The following CCDC59 variants were observed in gnomAD, a reference collection of about 807,000 sequenced individuals.
CCDC59 encodes thyroid transcription factor 1-associated protein 26.
In CCDC59, 27 loss-of-function variants were observed where a neutral mutation model predicts 30.5. The observed-to-expected ratio is 0.89, with a 90% CI of 0.65 to 1.22. The LOEUF is 1.22. CCDC59 is among the 50% of genes most tolerant of loss of function. CCDC59 has a pLI of 0.00. For missense variants in CCDC59, 362 were observed against 284.4 expected, an observed-to-expected ratio of 1.27 and a Z score of -1.96; for synonymous variants, 125 against 100.9, an observed-to-expected ratio of 1.24 and a Z score of -1.43.
chr12:82,356,970 T>C lies in CCDC59; in HGVS notation c.454A>G (p.Lys152Glu), dbSNP rs766749577. ...DQPQPEEQCI[K>E]TVNSFTIPKK... ...GAAGAAAATACATACTTTACTGTTT[T>C]AATACATTGTTCTTCTGGCTGAGGC... The change falls in exon 2 of 4, where the codon AAA becomes GAA. Residue 152 changes from lysine to glutamate, a missense_variant. Transcript: ENST00000256151. 14 of 1,610,280 alleles carry C rather than the reference T, an allele frequency of 8.7e-6. No individual in the cohort carries two copies. The South Asian group carries it at 1.5e-4, about 18-fold the overall frequency.
Position 82,354,594 on chromosome 12 carries a change from G to A in CCDC59, c.465C>T (p.Asn155=), listed in dbSNP as rs913699582. The A allele has an allele frequency of 1.3e-6, 2 of 1,568,374 alleles. No individual in the cohort carries two copies. The highest frequency in any genetic ancestry group is 1.8e-5 in the Admixed American group (1 of 54,534). Reference sequence around the variant, plus strand: ...TATTTTTCTTTGGAATTGTAAAGGAGCTTTTAATTGGGGGATGAGGAAACA... The same window carrying A: ...TATTTTTCTTTGGAATTGTAAAGGAACTTTTAATTGGGGGATGAGGAAACA... ...QPEEQCIKTV[N]SFTIPKKNKK... The change falls in exon 3 of 4, where the codon AAC becomes AAT. Residue 155 remains asparagine, a splice_region_variant and synonymous_variant. Coordinates refer to ENST00000256151, the MANE Select transcript of CCDC59 (RefSeq NM_014167.5).
intron 1 of CCDC59, among the ~76,000 whole-genome samples, chr12:82,357,849 G>C (rs1804212858): frequency 6.6e-6 from 1 of 152,170 alleles, no homozygotes; most frequent in African/African-American, 2.4e-5. Context: ...AGGGCCTCGG[G>C]TATTTGTAAT....
At chr12:82,358,199 G>C in intron 1 of CCDC59, 24 bp downstream of exon 1, 1 of 1,613,830 alleles carries the variant, frequency 6.2e-7, no homozygotes, top group Non-Finnish European at 8.5e-7. Context: ...CTGAGGATTT[G>C]CAAATGGTTG....
chr12:82,354,621 G>A (rs1880947980), intron 2 of CCDC59, 27 bp from the exon 3 acceptor site: 4 of 1,538,430 alleles, frequency 2.6e-6, no homozygotes, highest in Non-Finnish European at 3.5e-6. Context: ...GAGGAAACAG[G>A]ACTTTATTAG....
At chr12:82,358,634 G>C, upstream of CCDC59, 1 of 1,614,096 alleles carries the variant, frequency 6.2e-7, no homozygotes, top group Non-Finnish European at 8.5e-7. Flanking sequence ...TGCAGGGACT[G>C]CTGCAGTTCC....
At chr12:82,356,409 C>T (rs1294522185) in intron 2 of CCDC59, among the ~76,000 whole-genome samples, 1 of 152,176 alleles carries the variant, frequency 6.6e-6, no homozygotes, top group African/African-American at 2.4e-5. Flanking sequence ...CATTAACTCG[C>T]TGAGTCTTCA....
intron 2 of CCDC59, among the ~76,000 whole-genome samples, chr12:82,356,673 T>C (rs577475947): frequency 3.9e-5 from 6 of 152,308 alleles, no homozygotes; most frequent in South Asian, 2.1e-4. Context: ...TTCAAAAATA[T>C]AGTCATAACA....
intron 2 of CCDC59, among the ~76,000 whole-genome samples, chr12:82,356,661 T>C (rs982026718): frequency 2.6e-5 from 4 of 152,170 alleles, no homozygotes; most frequent in African/African-American, 9.7e-5. Context: ...CAGAAGTTAT[T>C]TTTCAAAAAT....
At chr12:82,358,076 C>A (rs1390011968) in intron 1 of CCDC59, 147 bp downstream of exon 1, 2 of 852,790 alleles carry the variant, frequency 2.3e-6, no homozygotes, top group African/African-American at 3.4e-5. Flanking sequence ...CTGCGAAGCT[C>A]ACAGCTTTAG....
At chr12:82,358,736 A>T, upstream of CCDC59, 7 of 1,614,064 alleles carry the variant, frequency 4.3e-6, no homozygotes, top group Non-Finnish European at 5.1e-6. Flanking sequence ...CACCGGAGAC[A>T]GTGCTGGCTG....
In CCDC59 at chr12:82,357,158, T is replaced by C. The variant is rs748972749; in HGVS notation, c.266A>G (p.Tyr89Cys). The C allele has an allele frequency of 1.2e-5, 20 of 1,614,114 alleles. No homozygotes were observed. The East Asian group carries it at 4.0e-4, about 32-fold the overall frequency. The change falls in exon 2 of 4, where the codon TAC becomes TGC. Residue 89 changes from tyrosine to cysteine, a missense_variant. Tyr to Cys is a radical substitution (Grantham distance 194, BLOSUM62 -2). Coordinates refer to ENST00000256151, the MANE Select transcript of CCDC59 (RefSeq NM_014167.5). ...TSLESQFTDR[Y>C]PDNLKHLYLA... is the part of the protein sequence containing the mutation. ...ATAGAGATGTTTCAGATTATCTGGG[T>C]ATCGATCTGTGAATTGAGATTCCAG... is the stretch of plus-strand genomic sequence containing the variant.
chr12:82,358,654 C>G (rs764430346), upstream of CCDC59: 4 of 1,613,996 alleles, frequency 2.5e-6, no homozygotes, highest in South Asian at 1.1e-5. Flanking sequence ...CTGAGGGATG[C>G]CCTGTCCATT....
At chr12:82,355,518 AAAAT>A (rs1880981639) in intron 2 of CCDC59, 1 of 152,228 alleles carries the variant, frequency 6.6e-6, no homozygotes, top group South Asian at 2.1e-4. Context: ...TTGTGAAGGA[AAAAT>A]AAATTCATGC....
rs1880881015 is a variant in CCDC59 at position 82,353,222 on chromosome 12, T to C, written c.655A>G (p.Thr219Ala). The change falls in exon 4 of 4, where the codon ACT (threonine) becomes GCT (alanine). Residue 219 changes from threonine (T) to alanine (A), a missense_variant. By Grantham distance (58) the Thr-to-Ala change is moderately conservative. Coordinates refer to ENST00000256151, the MANE Select transcript of CCDC59 (RefSeq NM_014167.5). ...TTCAAGTTTGGTTGGCCCTTTTTAG[T>C]CTTTTTGTTCAGTATTTTAAACACT... Reference protein sequence around the residue: ...MEVFKILNKKTKKGQPNLNVQ... With the variant: ...MEVFKILNKKAKKGQPNLNVQ... 6.2e-7 allele frequency: 1 copy of C among 1,612,818 alleles called. No homozygotes were observed. The highest frequency in any genetic ancestry group is 1.7e-5 in the Admixed American group (1 of 59,910).
In CCDC59 at chr12:82,353,708, A is replaced by C. The variant is rs534294183; in HGVS notation, c.565-396T>G. Among the ~76,000 whole-genome samples, 28 of 152,292 alleles carry C rather than the reference A, an allele frequency of 1.8e-4. No individual in the cohort carries two copies. In the South Asian group the frequency reaches 5.4e-3, roughly 29 times the overall value. On this transcript the variant is annotated intron_variant, in intron 3 of 3. Transcript: ENST00000256151. ...TGAAGAAATTTTCCTGCTTTCTCCT[A>C]ATCTGCCACCAGCTTAAGAACAATG...
rs767013938 is a variant in CCDC59, at chr12:82,353,296, T to C, written c.581A>G (p.Lys194Arg). ...CCTTTGGGCTTCTTCTCTCTCCTGT[T>C]TTCTCCTCTCGAATTCCTAAAATTA... ...AAKKQEFERR[K>R]QEREEAQRQY... Residue 194 changes from lysine (K) to arginine (R), a missense_variant, in exon 4 of 4, where the codon AAA becomes AGA. Lys to Arg is a conservative substitution (Grantham distance 26). Coordinates refer to ENST00000256151, the MANE Select transcript of CCDC59 (RefSeq NM_014167.5). The C allele has an allele frequency of 5.0e-6, 8 of 1,602,508 alleles. No homozygotes were observed. The highest frequency in any genetic ancestry group is 1.8e-5 in the Admixed American group (1 of 56,952).
At chr12:82,358,014 AG>A (rs1881180608) in intron 1 of CCDC59, among the ~76,000 whole-genome samples, 1 of 152,242 alleles carries the variant, frequency 6.6e-6, no homozygotes, top group African/African-American at 2.4e-5. Flanking sequence ...GGGTTACGTC[AG>A]AAAAGACGTT....
chr12:82,357,719 G>C (rs753358384), intron 1 of CCDC59, among the ~76,000 whole-genome samples: 1 of 152,318 alleles, frequency 6.6e-6, no homozygotes, highest in Non-Finnish European at 1.5e-5. Flanking sequence ...GTGTATGGTT[G>C]TCTGAAAAGC....
chr12:82,357,239 T>A lies in CCDC59; in HGVS notation c.185A>T (p.Lys62Ile). 1 of 1,613,134 alleles carries A rather than the reference T, an allele frequency of 6.2e-7. No homozygotes were observed. Among genetic ancestry groups the A allele is most frequent in the African/African-American group, 1.3e-5 (1 of 74,784 alleles). ...CAATTTCTTGTAACTTTGCTGTATT[T>A]TCAGTTTTCTTCGAAAAGCAAAGCC... ...GQGFAFRRKLKIQQSYKKLLR... is the reference protein window; with the variant it reads ...GQGFAFRRKLIIQQSYKKLLR... Residue 62 changes from lysine (K) to isoleucine (I), a missense_variant, in exon 2 of 4, where the codon AAA becomes ATA. By Grantham distance (102) the Lys-to-Ile change is moderately radical. Transcript: ENST00000256151.
Sources: gnomAD v4.1 joint callset for allele counts (sites outside exome capture counted in the v4.1 genomes callset) on GRCh38, gnomAD v4.1.1 for gene constraint, MANE v1.5 for transcripts, NCBI Gene and HGNC (gene_info 2026-07-23, HGNC 2026-07-21) for gene names.